MNAT1: variants seen among roughly 807,000 people sequenced by gnomAD.
MNAT1 encodes CDK-activating kinase assembly factor MAT1.
In MNAT1, 43 loss-of-function variants were observed where a neutral mutation model predicts 42.0. The observed-to-expected ratio is 1.02, with a 90% CI of 0.80 to 1.32. The LOEUF (loss-of-function observed/expected upper bound fraction) is 1.32, where lower values mean the gene tolerates loss of function less well. Ranked by LOEUF, MNAT1 falls within the 40% of genes most tolerant of loss-of-function variation. MNAT1 has a pLI of 0.00. For synonymous variants in MNAT1, 118 were observed against 120.0 expected (o/e 0.98, Z 0.11); for missense variants, 306 against 350.4 (o/e 0.87, Z 1.01).
intron 7 of MNAT1, among the ~76,000 whole-genome samples, chr14:60,914,875 C>T (rs2035477965): frequency 6.6e-6 from 1 of 152,096 alleles, no homozygotes; most frequent in Admixed American, 6.5e-5. Flanking sequence ...ACATGGGTAG[C>T]AAATCAAATT....
chr14:60,743,790 A>G (rs1413338821), intron 1 of MNAT1, among the ~76,000 whole-genome samples: 1 of 152,158 alleles, frequency 6.6e-6, no homozygotes, highest in African/African-American at 2.4e-5. Context: ...TTTTACTCAT[A>G]TCTCTTTCTC....
intron 1 of MNAT1, 106 bp downstream of exon 1, chr14:60,735,057 T>G (rs1896265784): frequency 9.5e-7 from 1 of 1,047,882 alleles, no homozygotes; most frequent in Admixed American, 1.9e-5. Flanking sequence ...GTTGTTAGTT[T>G]CAACACTGGG....
intron 7 of MNAT1, among the ~76,000 whole-genome samples, chr14:60,918,429 C>G (rs1010137327): frequency 1.3e-5 from 2 of 150,864 alleles, no homozygotes; most frequent in African/African-American, 2.4e-5. Context: ...AGGTTGGTCT[C>G]GATCTCCTGA....
chr14:60,898,778 A>G (rs1446775546), intron 7 of MNAT1, among the ~76,000 whole-genome samples: 1 of 151,938 alleles, frequency 6.6e-6, no homozygotes, highest in Non-Finnish European at 1.5e-5. Flanking sequence ...CCATTTGTCT[A>G]TTTTTGTTTT....
At chr14:60,763,798 C>A (rs535277923) in intron 1 of MNAT1, among the ~76,000 whole-genome samples, 1 of 152,068 alleles carries the variant, frequency 6.6e-6, no homozygotes, top group Admixed American at 6.5e-5. Context: ...ATCCACCTGG[C>A]GGAGTATAAC....
intron 6 of MNAT1, among the ~76,000 whole-genome samples, chr14:60,840,343 G>A (rs940869849): frequency 1.3e-5 from 2 of 152,230 alleles, no homozygotes; most frequent in Admixed American, 6.5e-5. Flanking sequence ...AAGAAAGAAC[G>A]AGGGTGGGTA....
chr14:60,854,291 C>A (rs2033900927), intron 6 of MNAT1, among the ~76,000 whole-genome samples: 1 of 152,166 alleles, frequency 6.6e-6, no homozygotes, highest in South Asian at 2.1e-4. Flanking sequence ...GCTTCTGAAG[C>A]CTACTTCTGT....
chr14:60,922,626 T>A (rs1273067259), intron 7 of MNAT1, among the ~76,000 whole-genome samples: 1 of 152,086 alleles, frequency 6.6e-6, no homozygotes, highest in East Asian at 1.9e-4. Context: ...GTTTGATGTT[T>A]CTGAAATAAA....
chr14:60,750,299 T>A (rs1388401102), intron 1 of MNAT1, among the ~76,000 whole-genome samples: 1 of 151,750 alleles, frequency 6.6e-6, no homozygotes, highest in Non-Finnish European at 1.5e-5. Flanking sequence ...CGATCTCGGC[T>A]CACTGCAAGC....
In MNAT1 at chr14:60,905,620, T is replaced by C. The variant is rs769221515; in HGVS notation, c.809+25785T>C. 3.3e-4 allele frequency among the ~76,000 whole-genome samples: 51 copies of C among 152,272 alleles called. 1 individual carries two copies. Among genetic ancestry groups the C allele is most frequent in the Non-Finnish European group, 6.5e-4 (44 of 68,010 alleles). ...CAGTGATGTGACTCTCAGTTTGAGG[T>C]TGAAGGCCTGAGAATGGAGACTTAG... On this transcript the variant is annotated intron_variant, in intron 7 of 7. Coordinates refer to ENST00000261245, the MANE Select transcript of MNAT1 (RefSeq NM_002431.4).
chr14:60,904,993 T>TTTTTTTTTTTTTTTTTAGG, intron 7 of MNAT1, among the ~76,000 whole-genome samples: 1 of 141,750 alleles, frequency 7.1e-6, no homozygotes, highest in South Asian at 2.3e-4. Flanking sequence ...TTTTTTTTTT[T>TTTTTTTTTTTTTTTTTAGG]GGACGGAGTC....
chr14:60,744,212 A>C (rs1594716304), intron 1 of MNAT1, among the ~76,000 whole-genome samples: 1 of 151,608 alleles, frequency 6.6e-6, no homozygotes, highest in Non-Finnish European at 1.5e-5. Flanking sequence ...GCTCACTGCA[A>C]CCTCCACCTC....
intron 7 of MNAT1, among the ~76,000 whole-genome samples, chr14:60,920,562 G>A (rs556701464): frequency 5.3e-5 from 8 of 151,942 alleles, no homozygotes; most frequent in Non-Finnish European, 1.2e-4. Flanking sequence ...TGGGATTACA[G>A]GTGCCCACCT....
At chr14:60,879,244 A>G (rs2034496579) in intron 6 of MNAT1, among the ~76,000 whole-genome samples, 1 of 152,126 alleles carries the variant, frequency 6.6e-6, no homozygotes, top group African/African-American at 2.4e-5. Context: ...TCAATTTAGT[A>G]GAATTCACAT....
At chr14:60,887,687 T>G (rs2034712115) in intron 7 of MNAT1, among the ~76,000 whole-genome samples, 1 of 151,542 alleles carries the variant, frequency 6.6e-6, no homozygotes, top group Admixed American at 6.6e-5. Context: ...TCCACAAAAT[T>G]GATAGACCGC....
chr14:60,960,051 T>C (rs746779050), intron 7 of MNAT1, among the ~76,000 whole-genome samples: 1 of 152,192 alleles, frequency 6.6e-6, no homozygotes, highest in Non-Finnish European at 1.5e-5. Flanking sequence ...ATCCATTCTC[T>C]TGTCAATGGA....
At chr14:60,884,818 G>T (rs112433059) in intron 7 of MNAT1, among the ~76,000 whole-genome samples, 1 of 151,878 alleles carries the variant, frequency 6.6e-6, no homozygotes, top group Admixed American at 6.6e-5. Context: ...ACTTCATATT[G>T]CTCATTAATG....
At chr14:60,832,823 T>A (rs1341011272) in intron 6 of MNAT1, among the ~76,000 whole-genome samples, 1 of 152,226 alleles carries the variant, frequency 6.6e-6, no homozygotes, top group Non-Finnish European at 1.5e-5. Flanking sequence ...GGAATTTCTT[T>A]CCATTTGTTT....
chr14:60,826,341 G>A (rs4480717), intron 6 of MNAT1, among the ~76,000 whole-genome samples: 4 of 135,118 alleles, frequency 3.0e-5, no homozygotes, highest in African/African-American at 1.1e-4. Context: ...TTTTGAGATG[G>A]AGTCTCACTC....
Sources: gnomAD v4.1 joint callset for allele counts (sites outside exome capture counted in the v4.1 genomes callset) on GRCh38, gnomAD v4.1.1 for gene constraint, MANE v1.5 for transcripts, NCBI Gene and HGNC (gene_info 2026-07-23, HGNC 2026-07-21) for gene names.